USP34: variants seen among roughly 807,000 people sequenced by gnomAD.
USP34 encodes ubiquitin specific peptidase 34.
USP34 carries 70 observed loss-of-function variants against 460.3 expected under a neutral mutation model. The observed-to-expected ratio is 0.15, with a 90% CI of 0.13 to 0.19. The LOEUF is 0.19. USP34 is among the 10% of genes least tolerant of loss of function. USP34 has a pLI of 1.00. For synonymous variants in USP34, 1,647 were observed against 1,405.3 expected, an observed-to-expected ratio of 1.17 and a Z score of -3.85; for missense variants, 3,985 against 4,236.2, an observed-to-expected ratio of 0.94 and a Z score of 1.65.
intron 5 of USP34, among the ~76,000 whole-genome samples, chr2:61,387,856 A>C (rs1693210342): frequency 6.8e-6 from 1 of 147,644 alleles, no homozygotes; most frequent in Non-Finnish European, 1.5e-5. Flanking sequence ...CACATGTAAA[A>C]ATATATATTT....
intron 1 of USP34, among the ~76,000 whole-genome samples, chr2:61,459,775 AAAG>A (rs1695547349): frequency 6.6e-6 from 1 of 150,992 alleles, no homozygotes; most frequent in Non-Finnish European, 1.5e-5. Flanking sequence ...AAAAAAAAAA[AAAG>A]GCCAGGCACA....
At chr2:61,287,835 T>A (rs1003081468) in intron 34 of USP34, among the ~76,000 whole-genome samples, 14 of 152,222 alleles carry the variant, frequency 9.2e-5, no homozygotes, top group Admixed American at 6.5e-4. Context: ...TTTGACTGTA[T>A]GGAGGGTCAG....
chr2:61,351,538 G>C (rs1691942571), intron 10 of USP34, among the ~76,000 whole-genome samples: 1 of 151,974 alleles, frequency 6.6e-6, no homozygotes, highest in South Asian at 2.1e-4. Flanking sequence ...GATTAGACAA[G>C]TAATTCCCAA....
intron 1 of USP34, among the ~76,000 whole-genome samples, chr2:61,443,788 T>A (rs1036223754): frequency 6.6e-6 from 1 of 152,172 alleles, no homozygotes; most frequent in Admixed American, 6.5e-5. Context: ...CAGTGAACCC[T>A]AATGTGGACT....
intron 8 of USP34, among the ~76,000 whole-genome samples, chr2:61,374,597 G>A (rs982585437): frequency 6.7e-6 from 1 of 149,120 alleles, no homozygotes; most frequent in Non-Finnish European, 1.5e-5. Flanking sequence ...AGGATCAAAT[G>A]TATCTGGAGA....
At chr2:61,446,758 TA>T (rs1695129741) in intron 1 of USP34, among the ~76,000 whole-genome samples, 2 of 146,984 alleles carry the variant, frequency 1.4e-5, no homozygotes, top group South Asian at 4.3e-4. Flanking sequence ...ATCGTGCCAC[TA>T]CACTGCAGCC....
chr2:61,218,342 T>A (rs993360718), intron 67 of USP34, among the ~76,000 whole-genome samples: 5 of 146,308 alleles, frequency 3.4e-5, no homozygotes, highest in Non-Finnish European at 7.5e-5. Flanking sequence ...AAAAGGCCCA[T>A]GGGCAGAGTG....
chr2:61,376,037 G>C (rs964429351), intron 8 of USP34, among the ~76,000 whole-genome samples: 1 of 152,080 alleles, frequency 6.6e-6, no homozygotes, highest in African/African-American at 2.4e-5. Flanking sequence ...ACAGAAAGTA[G>C]ATTAGTGAGG....
intron 41 of USP34, among the ~76,000 whole-genome samples, chr2:61,272,314 A>G (rs551836304): frequency 9.9e-5 from 15 of 151,460 alleles, no homozygotes; most frequent in African/African-American, 3.6e-4. Context: ...GGGAGGCTGC[A>G]GCGGGAGAAT....
intron 3 of USP34, among the ~76,000 whole-genome samples, chr2:61,404,061 G>A (rs1262438650): frequency 6.8e-6 from 1 of 148,026 alleles, no homozygotes; most frequent in African/African-American, 2.5e-5. Flanking sequence ...GTACAACTTG[G>A]AAGAGGGCCA....
chr2:61,324,127 T>C (rs1055332269), intron 21 of USP34, among the ~76,000 whole-genome samples: 3 of 152,098 alleles, frequency 2.0e-5, no homozygotes, highest in South Asian at 2.1e-4. Flanking sequence ...AGGTTTGACA[T>C]TGACACACAG....
At chr2:61,215,868 A>G (rs1687381051) in intron 67 of USP34, among the ~76,000 whole-genome samples, 1 of 152,200 alleles carries the variant, frequency 6.6e-6, no homozygotes, top group Non-Finnish European at 1.5e-5. Flanking sequence ...GGACTATCTC[A>G]GCTTACACAG....
chr2:61,322,998 A>G (rs953614935), intron 21 of USP34, among the ~76,000 whole-genome samples: 4 of 152,214 alleles, frequency 2.6e-5, no homozygotes, highest in African/African-American at 9.6e-5. Flanking sequence ...TTATTGTCAT[A>G]TTGAAAATCA....
intron 57 of USP34, among the ~76,000 whole-genome samples, chr2:61,235,382 G>C (rs1688038041): frequency 6.8e-6 from 1 of 147,608 alleles, no homozygotes. Flanking sequence ...CTGGAGTGCA[G>C]TGGCACAATC....
intron 34 of USP34, 140 bp downstream of exon 34, chr2:61,288,537 C>T: frequency 2.5e-6 from 2 of 810,982 alleles, no homozygotes; most frequent in Non-Finnish European, 3.9e-6. Flanking sequence ...ATAATCACTA[C>T]TGCTTTAAAA....
intron 1 of USP34, among the ~76,000 whole-genome samples, chr2:61,446,403 TTTC>T (rs1386846020): frequency 1.1e-4 from 16 of 152,186 alleles, no homozygotes; most frequent in Non-Finnish European, 1.8e-4. Context: ...TCTTAAATAT[TTTC>T]TTCTTCAATA....
At chr2:61,389,836 T>A (rs985401093) in intron 5 of USP34, among the ~76,000 whole-genome samples, 20 of 151,898 alleles carry the variant, frequency 1.3e-4, no homozygotes, top group African/African-American at 4.6e-4. Flanking sequence ...TTAACCTAGG[T>A]TAAAACTCTC....
chr2:61,371,794 C>T (rs1331844916), intron 8 of USP34, among the ~76,000 whole-genome samples: 2 of 152,168 alleles, frequency 1.3e-5, no homozygotes, highest in Non-Finnish European at 2.9e-5. Flanking sequence ...GCGTCCTATA[C>T]AGGCAATACC....
chr2:61,293,665 A>C, intron 32 of USP34, 115 bp from the exon 33 acceptor site: 1 of 657,906 alleles, frequency 1.5e-6, no homozygotes, highest in East Asian at 3.0e-5. Context: ...TTACACTACT[A>C]TTCATTTAAA....
Sources: gnomAD v4.1 joint callset for allele counts (sites outside exome capture counted in the v4.1 genomes callset) on GRCh38, gnomAD v4.1.1 for gene constraint, MANE v1.5 for transcripts, NCBI Gene and HGNC (gene_info 2026-07-23, HGNC 2026-07-21) for gene names.